STRIP2: variants seen among roughly 807,000 people sequenced by gnomAD.
STRIP2 encodes striatin interacting protein 2.
STRIP2 carries 84 observed loss-of-function variants against 107.1 expected under a neutral mutation model. That is an observed-to-expected ratio of 0.78 (90% CI 0.66 to 0.94). The LOEUF (loss-of-function observed/expected upper bound fraction) is 0.94, where lower values mean the gene tolerates loss of function less well. STRIP2 is among the 40% of genes least tolerant of loss of function. The pLI is 0.00. For synonymous variants in STRIP2, 394 were observed against 400.4 expected (o/e 0.98, Z 0.19); for missense variants, 888 against 1,034.2 (o/e 0.86, Z 1.94).
chr7:129,476,092 G>C (rs1051501735), intron 18 of STRIP2, among the ~76,000 whole-genome samples: 3 of 152,134 alleles, frequency 2.0e-5, no homozygotes, highest in Admixed American at 1.3e-4. Flanking sequence ...CCTCCCAGAG[G>C]GGGTGGCGGC....
At chr7:129,456,832 C>T (rs145223967) in intron 9 of STRIP2, among the ~76,000 whole-genome samples, 190 bp downstream of exon 9, 95 of 152,232 alleles carry the variant, frequency 6.2e-4, no homozygotes, top group African/African-American at 2.1e-3. Flanking sequence ...CAGCCCCCTG[C>T]GCTGTTGTGA....
At position 129,440,009 on chromosome 7, in the gene STRIP2, TTC is replaced by T; in HGVS notation, c.130-9_130-8del. 1.9e-6 allele frequency: 3 copies of T among 1,613,292 alleles called. No individual in the cohort carries two copies. Among genetic ancestry groups the T allele is most frequent in the Non-Finnish European group, 2.5e-6 (3 of 1,179,286 alleles). Reference sequence around the variant, plus strand: ...AAGTTATCCCAGTTACCAACAAAATTTCTCTGTTACAGGGCTCTGTGGACTGT... The same window carrying T: ...AAGTTATCCCAGTTACCAACAAAATTTCTGTTACAGGGCTCTGTGGACTGT... On this transcript the variant is annotated splice_polypyrimidine_tract_variant and intron_variant, in intron 1 of 20. Coordinates refer to ENST00000249344, the MANE Select transcript of STRIP2 (RefSeq NM_020704.3).
At chr7:129,476,143 G>A (rs1471127317) in intron 18 of STRIP2, among the ~76,000 whole-genome samples, 4 of 150,758 alleles carry the variant, frequency 2.7e-5, no homozygotes, top group Non-Finnish European at 5.9e-5. Context: ...GGGTGGCCAG[G>A]CAGAGGTGCC....
Position 129,464,035 on chromosome 7 carries a change from A to G in STRIP2, c.1552-9A>G, listed in dbSNP as rs761647874. The G allele has an allele frequency of 1.9e-5, 31 of 1,610,896 alleles. No individual in the cohort carries two copies. In the Admixed American group the frequency reaches 2.8e-4, roughly 15 times the overall value. ...ACAGTGGTAAATTTCTTTATTTTCT[A>G]CTTCTCAGATCGCTCTGCTTAAGAT... On this transcript the variant is annotated splice_polypyrimidine_tract_variant and intron_variant, in intron 14 of 20. Coordinates refer to ENST00000249344, the MANE Select transcript of STRIP2 (RefSeq NM_020704.3).
rs758825888 is a variant in STRIP2 at position 129,464,076 on chromosome 7, T to C, written c.1584T>C (p.Ala528=). The C allele has an allele frequency of 1.9e-6, 3 of 1,613,534 alleles. No individual in the cohort carries two copies. The highest frequency in any genetic ancestry group is 2.5e-6 in the Non-Finnish European group (3 of 1,180,020). ...IALLKILLAA[A]PTSKAKTDSI... ...TGCTTAAGATTCTGCTGGCTGCAGC[T>C]CCCACCTCTAAGGCTAAGACAGACT... is the stretch of plus-strand genomic sequence containing the variant. Residue 528 remains alanine (A), a synonymous_variant, in exon 15 of 21, where the codon GCT becomes GCC. Transcript: ENST00000249344.
Position 129,458,242 on chromosome 7 carries a change from G to T in STRIP2, c.1066G>T (p.Asp356Tyr). 1.2e-6 allele frequency: 2 copies of T among 1,614,152 alleles called. No individual in the cohort carries two copies. The highest frequency in any genetic ancestry group is 1.7e-6 in the Non-Finnish European group (2 of 1,180,020). The change falls in exon 10 of 21, where the codon GAC becomes TAC. Residue 356 changes from aspartate (D) to tyrosine (Y), a missense_variant. Coordinates refer to ENST00000249344, the MANE Select transcript of STRIP2 (RefSeq NM_020704.3). This position sits in a 1 kb window ranked among gnomAD's most constrained non-coding sequence, Gnocchi z 4.6. Reference sequence around the variant, plus strand: ...ACTCCTCACTAAGCAGGACAGCCTGGACATCTACAATGAAAGGGATCTCTT... The same window carrying T: ...ACTCCTCACTAAGCAGGACAGCCTGTACATCTACAATGAAAGGGATCTCTT... ...RQLLTKQDSL[D>Y]IYNERDLFKT... is the part of the protein sequence containing the mutation.
At chr7:129,449,942 G>A (rs1642620039) in intron 3 of STRIP2, among the ~76,000 whole-genome samples, 1 of 152,114 alleles carries the variant, frequency 6.6e-6, no homozygotes, top group South Asian at 2.1e-4. Flanking sequence ...CAACCAACCA[G>A]CTTCCTTATG....
intron 18 of STRIP2, among the ~76,000 whole-genome samples, 196 bp downstream of exon 18, chr7:129,470,911 C>G (rs188754847): frequency 1.3e-5 from 2 of 152,050 alleles, no homozygotes; most frequent in African/African-American, 4.8e-5. Context: ...AAAAGTTTAG[C>G]GTAGCATTTT....
Position 129,480,136 on chromosome 7 carries a change from A to T in STRIP2, c.1945-649A>T, listed in dbSNP as rs191069522. 7.3e-3 allele frequency among the ~76,000 whole-genome samples: 1,110 copies of T among 152,288 alleles called. 9 individuals carry two copies. The highest frequency in any genetic ancestry group is 0.011 in the Non-Finnish European group (773 of 68,016). ...AATTCACATAAGGACTCACATTTTTATTTCTGAAAAATCTTTCTATGAGTA... is the reference window on the plus strand; with the variant it reads ...AATTCACATAAGGACTCACATTTTTTTTTCTGAAAAATCTTTCTATGAGTA... On this transcript the variant is annotated intron_variant, in intron 18 of 20. Transcript: ENST00000249344.
intron 16 of STRIP2, among the ~76,000 whole-genome samples, chr7:129,467,100 G>C (rs766647271): frequency 1.6e-4 from 25 of 152,204 alleles, no homozygotes; most frequent in Non-Finnish European, 3.5e-4. Flanking sequence ...CTATGTATTG[G>C]AGTGGGATTT....
chr7:129,456,749 C>A, intron 9 of STRIP2, 107 bp downstream of exon 9: 1 of 1,127,358 alleles, frequency 8.9e-7, no homozygotes, highest in Non-Finnish European at 1.3e-6. Flanking sequence ...CCCGGCTCAT[C>A]CTGCCCAGGT....
chr7:129,470,898 T>C (rs537758106), intron 18 of STRIP2, among the ~76,000 whole-genome samples, 183 bp downstream of exon 18: 2 of 152,246 alleles, frequency 1.3e-5, no homozygotes, highest in South Asian at 4.1e-4. Flanking sequence ...GAGAAAGATT[T>C]GGAAAAGTTT....
rs1415568804 is a variant in STRIP2 at position 129,434,563 on chromosome 7, G to A, written c.91G>A (p.Gly31Ser). 2.0e-6 allele frequency: 3 copies of A among 1,516,710 alleles called. No individual in the cohort carries two copies. Among genetic ancestry groups the A allele is most frequent in the South Asian group, 1.2e-5 (1 of 82,126 alleles). The allele number at this position is 1,516,710 out of a possible 1,614,324, so 94.0% of individuals were successfully genotyped here. The change falls in exon 1 of 21, where the codon GGC (glycine) becomes AGC (serine). Residue 31 changes from glycine (G) to serine (S), a missense_variant. By Grantham distance (56) the Gly-to-Ser change is moderately conservative. Transcript: ENST00000249344. ...GGKGKQAAPK[G>S]REAFRSQRRE... ...CAAAGGGAAGCAGGCGGCGCCCAAG[G>A]GCCGCGAAGCGTTCCGAAGCCAGCG...
At position 129,483,363 on chromosome 7, in the gene STRIP2, T is replaced by A; in HGVS notation, c.2254+317T>A. Reference sequence around the variant, plus strand: ...TTAAATTAAAACAACTTTTTATTATTACAAAGCAGTTAGAAAAAAAGATAG... The same window carrying A: ...TTAAATTAAAACAACTTTTTATTATAACAAAGCAGTTAGAAAAAAAGATAG... On this transcript the variant is annotated intron_variant, in intron 20 of 20. Transcript: ENST00000249344. This position sits in a 1 kb window ranked among gnomAD's most constrained non-coding sequence, Gnocchi z 5.1. 1.0e-6 allele frequency: 1 copy of A among 995,354 alleles called. No individual in the cohort carries two copies. The highest frequency in any genetic ancestry group is 1.2e-6 in the Non-Finnish European group (1 of 804,514). 61.7% of individuals were successfully genotyped at this position (995,354 alleles called of 1,614,324 possible).
chr7:129,464,277 C>T lies in STRIP2; in HGVS notation c.1649+136C>T, dbSNP rs185968884. On this transcript the variant is annotated intron_variant, in intron 15 of 20. Coordinates refer to ENST00000249344, the MANE Select transcript of STRIP2 (RefSeq NM_020704.3). ...TCCCCGTCTCTGCCCACCAGTACCC[C>T]CTTTCCCGTACAGGGCTTTCTGCTT... 5.4e-4 allele frequency: 388 copies of T among 721,718 alleles called. 2 individuals are homozygous for T. The East Asian group carries it at 0.01, about 19-fold the overall frequency. The allele number at this position is 721,718 out of a possible 1,614,324, so 44.7% of individuals were successfully genotyped here. A position where few individuals can be genotyped will look rare whatever the true frequency, so the allele number is the denominator to read the frequency against.
intron 2 of STRIP2, among the ~76,000 whole-genome samples, chr7:129,442,038 A>G (rs1797913328): frequency 6.6e-6 from 1 of 152,214 alleles, no homozygotes; most frequent in Non-Finnish European, 1.5e-5. Flanking sequence ...CAGCCTGACC[A>G]ATATGGTGAA....
At chr7:129,438,157 A>C (rs1276908724) in intron 1 of STRIP2, among the ~76,000 whole-genome samples, 1 of 152,158 alleles carries the variant, frequency 6.6e-6, no homozygotes, top group Admixed American at 6.5e-5. Context: ...GGAGCAACTT[A>C]TATACAAAGA....
chr7:129,482,044 G>T (rs1337525981), intron 19 of STRIP2, among the ~76,000 whole-genome samples: 2 of 151,694 alleles, frequency 1.3e-5, no homozygotes, highest in African/African-American at 4.8e-5. Flanking sequence ...CCTCTACTCA[G>T]GGGAGGCTGA....
chr7:129,464,283 C>T, intron 15 of STRIP2, 142 bp downstream of exon 15: 2 of 693,372 alleles, frequency 2.9e-6, no homozygotes, highest in East Asian at 5.4e-5. Flanking sequence ...ACCCCCTTTC[C>T]CGTACAGGGC....
Sources: gnomAD v4.1 joint callset for allele counts (sites outside exome capture counted in the v4.1 genomes callset) on GRCh38, gnomAD v4.1.1 for gene constraint, Gnocchi (gnomAD v3.1) non-coding constraint, MANE v1.5 for transcripts, NCBI Gene and HGNC (gene_info 2026-07-23, HGNC 2026-07-21) for gene names.